Variants in FASTKD1 observed in about 807,000 individuals in gnomAD.
The protein encoded by FASTKD1 is FAST kinase domain-containing protein 1, mitochondrial.
FASTKD1 carries 94 observed loss-of-function variants against 90.9 expected under a neutral mutation model. That is an observed-to-expected ratio of 1.03 (90% CI 0.88 to 1.23). The LOEUF (loss-of-function observed/expected upper bound fraction) is 1.23. FASTKD1 is among the 50% of genes most tolerant of loss of function. The pLI is 0.00. For synonymous variants in FASTKD1, 319 were observed against 345.8 expected (o/e 0.92, Z 0.86); for missense variants, 945 against 993.5 (o/e 0.95, Z 0.66).
chr2:169,561,775 T>TTATTTATTAATTTATTGTAAAA (rs1683632611), intron 4 of FASTKD1, among the ~76,000 whole-genome samples: 1 of 133,014 alleles, frequency 7.5e-6, no homozygotes, highest in South Asian at 2.2e-4. Context: ...TTATTGTAAA[T>TTATTTATTAATTTATTGTAAAA]TATTTATTAA....
rs764599638 is a variant in FASTKD1 at position 169,537,289 on chromosome 2, TCTG to T, written c.2123_2125del (p.Ala708del). 1.2e-5 allele frequency: 19 copies of T among 1,613,376 alleles called. No homozygotes were observed. Among genetic ancestry groups the T allele is most frequent in the Non-Finnish European group, 1.6e-5 (19 of 1,179,686 alleles). ...TACACAATTGATTCCTCCTAGTACC[TCTG>T]CTAACATTTTAAAAATCTGCTGTTG... is the stretch of plus-strand genomic sequence containing the variant. On this transcript the variant is annotated inframe_deletion, in exon 12 of 15. Transcript: ENST00000453153.
At chr2:169,560,917 A>C in intron 4 of FASTKD1, 132 bp from the exon 5 acceptor site, 1 of 625,654 alleles carries the variant, frequency 1.6e-6, no homozygotes, top group African/African-American at 2.2e-5. Flanking sequence ...TCCTGGGCTT[A>C]AGCAATCCTC....
rs766623965 is a variant in FASTKD1, at chr2:169,544,727, A to G, written c.1810T>C (p.Tyr604His). The part of the protein sequence containing the change: ...LGTCVQHLNS[Y>H]LGILDPFILV... Reference sequence around the variant, plus strand: ...TACCAAACAATATACCTACCTAAGTAAGAATTAAGATGTTGCACGCAAGTT... The same window carrying G: ...TACCAAACAATATACCTACCTAAGTGAGAATTAAGATGTTGCACGCAAGTT... The change falls in exon 9 of 15, where the codon TAC (tyrosine) becomes CAC (histidine). Residue 604 changes from tyrosine to histidine, a missense_variant. Transcript: ENST00000453153. 4 of 1,566,550 alleles carry G rather than the reference A, an allele frequency of 2.6e-6. No individual in the cohort carries two copies. The highest frequency in any genetic ancestry group is 1.1e-5 in the South Asian group (1 of 89,916).
intron 7 of FASTKD1, among the ~76,000 whole-genome samples, chr2:169,552,517 T>C (rs1469949874): frequency 1.3e-5 from 2 of 152,152 alleles, no homozygotes; most frequent in Non-Finnish European, 2.9e-5. Context: ...GTGGTAAATA[T>C]ACACCATGGA....
chr2:169,530,789 A>G (rs562809556), intron 13 of FASTKD1, 88 bp from the exon 14 acceptor site: 1 of 722,964 alleles, frequency 1.4e-6, no homozygotes, highest in South Asian at 1.8e-5. Flanking sequence ...TTGCATCTTT[A>G]TAAACTAACA....
At chr2:169,543,640 A>G (rs1489178632) in intron 9 of FASTKD1, among the ~76,000 whole-genome samples, 1 of 152,252 alleles carries the variant, frequency 6.6e-6, no homozygotes, top group African/African-American at 2.4e-5. Flanking sequence ...AAGGTTCATC[A>G]TACGCATACG....
At chr2:169,548,342 C>G (rs1195236460) in intron 7 of FASTKD1, among the ~76,000 whole-genome samples, 1 of 150,900 alleles carries the variant, frequency 6.6e-6, no homozygotes, top group Admixed American at 6.6e-5. Context: ...ACAAAAGAAA[C>G]AGGACATAGT....
intron 4 of FASTKD1, among the ~76,000 whole-genome samples, chr2:169,561,744 C>CGTTATAAATTATTTATTAATTT (rs1559156369): frequency 0.012 from 874 of 72,984 alleles, 59 homozygotes; most frequent in African/African-American, 0.033. Flanking sequence ...ATTAATTATT[C>CGTTATAAATTATTTATTAATTT]ATTATAAATT....
chr2:169,569,577 A>G (rs919804210), intron 2 of FASTKD1, among the ~76,000 whole-genome samples: 5 of 152,176 alleles, frequency 3.3e-5, no homozygotes, highest in Non-Finnish European at 7.4e-5. Flanking sequence ...TTGATCAGGC[A>G]TGGTGGCTCA....
In FASTKD1 at chr2:169,537,214, C is replaced by T. The variant is rs1399240976; in HGVS notation, c.2188+13G>A. ...TTTTCTGAAAGTAACTAATAACCTACCCAATAACTTACCTACTTTGTGGTA... is the reference window on the plus strand; with the variant it reads ...TTTTCTGAAAGTAACTAATAACCTATCCAATAACTTACCTACTTTGTGGTA... On this transcript the variant is annotated intron_variant, in intron 12 of 14. Transcript: ENST00000453153. 1.4e-6 allele frequency: 2 copies of T among 1,421,708 alleles called. No homozygotes were observed. The highest frequency in any genetic ancestry group is 1.4e-5 in the African/African-American group (1 of 71,106). 88.1% of individuals were successfully genotyped at this position (1,421,708 alleles called of 1,614,324 possible). A position where few individuals can be genotyped will look rare whatever the true frequency, so the allele number is the denominator to read the frequency against.
intron 5 of FASTKD1, chr2:169,560,162 C>G (rs1683512360): frequency 3.4e-6 from 1 of 290,418 alleles, no homozygotes; most frequent in Non-Finnish European, 6.3e-6. Flanking sequence ...TCATGTTGGC[C>G]CAGTATCAGA....
At chr2:169,531,132 A>C (rs1188215692) in intron 13 of FASTKD1, 1 of 753,294 alleles carries the variant, frequency 1.3e-6, no homozygotes, top group African/African-American at 1.7e-5. Flanking sequence ...GTGGAGGACA[A>C]TTCTTTTAGC....
Position 169,529,835 on chromosome 2 carries a change from G to C in FASTKD1, c.2534C>G (p.Ser845Ter). 6.2e-7 allele frequency: 1 copy of C among 1,607,810 alleles called. No homozygotes were observed. The highest frequency in any genetic ancestry group is 8.5e-7 in the Non-Finnish European group (1 of 1,175,622). Reference protein sequence around the residue: ...LRECIFGEVKSCL With the variant: ...LRECIFGEVK ...CATTTTAAATAAAAACTACAAACAT[G>C]ACTTGACTTCTCCAAATATACATTC... Residue 845 changes from serine to a stop codon, truncating the protein, a stop_gained, in exon 15 of 15, where the codon TCA becomes TGA. Coordinates refer to ENST00000453153, the MANE Select transcript of FASTKD1 (RefSeq NM_024622.6). LOFTEE classifies it high-confidence loss of function.
chr2:169,560,422 T>C lies in FASTKD1; in HGVS notation c.936A>G (p.Ala312=). ...CTTCAGGTCCTGCAATGGGTCCCAA[T>C]GCTACAAACAATTTTACAAAGCTAG... ...HPASFVKLFV[A]LGPIAGPEEK... Residue 312 remains alanine (A), a synonymous_variant, in exon 5 of 15, where the codon GCA becomes GCG. Transcript: ENST00000453153. The C allele has an allele frequency of 2.6e-6, 4 of 1,564,942 alleles. No homozygotes were observed. Among genetic ancestry groups the C allele is most frequent in the Non-Finnish European group, 3.4e-6 (4 of 1,164,158 alleles).
chr2:169,545,346 G>GT (rs747051602), intron 8 of FASTKD1, among the ~76,000 whole-genome samples: 3 of 152,094 alleles, frequency 2.0e-5, no homozygotes, highest in Non-Finnish European at 4.4e-5. Flanking sequence ...AATTAAAGAA[G>GT]TTTCTTAAAT....
intron 9 of FASTKD1, among the ~76,000 whole-genome samples, chr2:169,541,563 GAC>G (rs1372828633): frequency 6.6e-5 from 10 of 152,130 alleles, no homozygotes; most frequent in African/African-American, 2.2e-4. Context: ...AGTAGTATCA[GAC>G]ATGGTTAGAT....
chr2:169,563,349 A>C lies in FASTKD1; in HGVS notation c.448T>G (p.Phe150Val). The C allele has an allele frequency of 6.3e-7, 1 of 1,587,958 alleles. No homozygotes were observed. The highest frequency in any genetic ancestry group is 1.1e-5 in the South Asian group (1 of 89,934). Residue 150 changes from phenylalanine (F) to valine (V), a missense_variant and splice_region_variant, in exon 4 of 15, where the codon TTT (phenylalanine) becomes GTT (valine). Phe to Val is a conservative substitution (Grantham distance 50). Transcript: ENST00000453153. The part of the protein sequence containing the change: ...VTEAWRRLER[F>V]DIKLLSEFSS... ...AATTCTGAGAGCAGTTTAATATCAA[A>C]CCTATTAAAGGAAATATACAAAGGA...
At chr2:169,541,116 T>C (rs1684938507) in intron 9 of FASTKD1, among the ~76,000 whole-genome samples, 1 of 152,220 alleles carries the variant, frequency 6.6e-6, no homozygotes, top group Non-Finnish European at 1.5e-5. Context: ...AAGTTAATAG[T>C]GATGATTTCT....
chr2:169,551,709 G>A (rs1170608399), intron 7 of FASTKD1, among the ~76,000 whole-genome samples: 1 of 152,034 alleles, frequency 6.6e-6, no homozygotes, highest in Non-Finnish European at 1.5e-5. Flanking sequence ...AGGCAGGAGG[G>A]TCACTTGAGG....
Sources: allele counts gnomAD v4.1 joint callset (sites outside exome capture counted in the v4.1 genomes callset), GRCh38; gene constraint gnomAD v4.1.1; transcripts MANE v1.5; gene names NCBI Gene and HGNC (gene_info 2026-07-23, HGNC 2026-07-21).